The following PDGFD variants were observed in gnomAD, a reference collection of about 807,000 sequenced individuals.
The protein encoded by PDGFD is platelet derived growth factor D, also known as platelet-derived growth factor D.
Under a neutral mutation model 44.7 loss-of-function variants are expected in PDGFD, and 30 were observed. The ratio of observed to expected loss-of-function variants is 0.67; its 90% CI spans 0.50 to 0.91. PDGFD has a LOEUF of 0.91. Among genes scored for constraint, PDGFD ranks in the 40% least tolerant of loss-of-function variants. The probability of loss-of-function intolerance (pLI) is 0.00; values close to 1 mark genes in which losing one functional copy is unlikely to be tolerated. For synonymous variants in PDGFD, 173 were observed against 168.4 expected (o/e 1.03, Z -0.21); for missense variants, 445 against 457.8 (o/e 0.97, Z 0.25).
rs186744608 is a variant in PDGFD at position 103,927,472 on chromosome 11, A to G, written c.773-346T>C. On this transcript the variant is annotated intron_variant, in intron 5 of 6. Coordinates refer to ENST00000393158, the MANE Select transcript of PDGFD (RefSeq NM_025208.5). ...TAAAATAATTGCCTTTATCTTCAAA[A>G]AGACAAAATAAACTGCTTCTTCATT... 1.0e-3 allele frequency among the ~76,000 whole-genome samples: 152 copies of G among 152,348 alleles called. 2 individuals are homozygous for G. Among genetic ancestry groups the G allele is most frequent in the Non-Finnish European group, 1.9e-3 (127 of 68,024 alleles).
chr11:104,049,579 T>C (rs1259540338), intron 1 of PDGFD, among the ~76,000 whole-genome samples: 1 of 152,078 alleles, frequency 6.6e-6, no homozygotes, highest in East Asian at 1.9e-4. Flanking sequence ...GGTTGTATTG[T>C]TAAAAATAGA....
chr11:104,149,730 G>T (rs569943784), intron 1 of PDGFD, among the ~76,000 whole-genome samples: 4 of 152,036 alleles, frequency 2.6e-5, no homozygotes, highest in African/African-American at 9.7e-5. Context: ...CCAGTTCCAG[G>T]GTCTCAGGTG....
At chr11:104,118,270 G>C (rs912832914) in intron 1 of PDGFD, among the ~76,000 whole-genome samples, 37 of 151,654 alleles carry the variant, frequency 2.4e-4, no homozygotes, top group African/African-American at 9.0e-4. Context: ...AATGGAATTA[G>C]TCCCCTTATA....
At chr11:103,995,243 C>A (rs1373555338) in intron 3 of PDGFD, among the ~76,000 whole-genome samples, 2 of 152,170 alleles carry the variant, frequency 1.3e-5, no homozygotes, top group South Asian at 2.1e-4. Flanking sequence ...GTTCAAGGAC[C>A]CTGTCTGTTC....
intron 1 of PDGFD, chr11:104,036,745 C>T (rs1860240395): frequency 1.7e-6 from 2 of 1,158,896 alleles, no homozygotes; most frequent in Non-Finnish European, 2.5e-6. Context: ...AGCAGCGGCA[C>T]CAACGACGCA....
chr11:104,050,011 C>G (rs1180420889), intron 1 of PDGFD, among the ~76,000 whole-genome samples: 1 of 152,062 alleles, frequency 6.6e-6, no homozygotes, highest in Non-Finnish European at 1.5e-5. Context: ...TGAGAGAACA[C>G]CTTTTACTAT....
rs540348223 is a variant in PDGFD at position 103,943,757 on chromosome 11, A to T, written c.574-107T>A. On this transcript the variant is annotated intron_variant, in intron 4 of 6. Coordinates refer to ENST00000393158, the MANE Select transcript of PDGFD (RefSeq NM_025208.5). ...ACATAAACAGGCTTCTGAGTATAAG[A>T]CATCATACGTTTGAATGCTATGTAA... 2,127 of 882,864 alleles carry T rather than the reference A, an allele frequency of 2.4e-3. 9 individuals carry two copies. Among genetic ancestry groups the T allele is most frequent in the Non-Finnish European group, 2.7e-3 (1,542 of 564,066 alleles). The allele number at this position is 882,864 out of a possible 1,614,324, so 54.7% of individuals were successfully genotyped here.
chr11:103,962,888 A>T (rs535426638), intron 3 of PDGFD, among the ~76,000 whole-genome samples: 2 of 151,948 alleles, frequency 1.3e-5, no homozygotes, highest in South Asian at 2.1e-4. Flanking sequence ...CTAACATATT[A>T]TTTTTTTTAT....
At chr11:103,945,218 C>A (rs1216690220) in intron 4 of PDGFD, among the ~76,000 whole-genome samples, 1 of 152,124 alleles carries the variant, frequency 6.6e-6, no homozygotes, top group African/African-American at 2.4e-5. Context: ...TAGCTCTCAT[C>A]TGGGTGCAGC....
intron 1 of PDGFD, among the ~76,000 whole-genome samples, chr11:104,117,624 C>A (rs12225115): frequency 1.3e-5 from 2 of 151,668 alleles, no homozygotes; most frequent in East Asian, 1.9e-4. Flanking sequence ...GAACTCAACC[C>A]CTTTTAAAAT....
intron 1 of PDGFD, among the ~76,000 whole-genome samples, chr11:104,107,087 C>T (rs557025055): frequency 5.9e-5 from 9 of 152,178 alleles, no homozygotes; most frequent in Admixed American, 3.3e-4. Flanking sequence ...AAGATGAGAC[C>T]ACTTCCATGA....
intron 2 of PDGFD, among the ~76,000 whole-genome samples, chr11:103,997,857 G>A (rs1217897179): frequency 6.6e-6 from 1 of 152,092 alleles, no homozygotes; most frequent in African/African-American, 2.4e-5. Flanking sequence ...CTCTTAGGGA[G>A]GGTTCTGAGA....
At chr11:103,985,249 T>C (rs1029557448) in intron 3 of PDGFD, among the ~76,000 whole-genome samples, 1 of 149,392 alleles carries the variant, frequency 6.7e-6, no homozygotes. Context: ...TCACCAAGGC[T>C]GCAGTCCAGT....
chr11:104,143,026 G>A (rs1019092686), intron 1 of PDGFD, among the ~76,000 whole-genome samples: 1 of 152,154 alleles, frequency 6.6e-6, no homozygotes, highest in Non-Finnish European at 1.5e-5. Context: ...CTGAAAAATG[G>A]AGGCCTGGTT....
At chr11:104,073,665 G>A (rs1860911781) in intron 1 of PDGFD, among the ~76,000 whole-genome samples, 1 of 152,188 alleles carries the variant, frequency 6.6e-6, no homozygotes, top group South Asian at 2.1e-4. Flanking sequence ...GGATTACAAA[G>A]CACACCTCTA....
chr11:103,962,782 T>C (rs1223154925), intron 3 of PDGFD, among the ~76,000 whole-genome samples: 3 of 152,200 alleles, frequency 2.0e-5, no homozygotes, highest in African/African-American at 7.2e-5. Flanking sequence ...CTTTCCTCCA[T>C]AGGGTTAGTT....
At chr11:104,139,556 G>A (rs1007273380) in intron 1 of PDGFD, among the ~76,000 whole-genome samples, 1 of 152,122 alleles carries the variant, frequency 6.6e-6, no homozygotes, top group Non-Finnish European at 1.5e-5. Flanking sequence ...CAAAAGTTAC[G>A]TGTAGTAGCT....
At chr11:104,098,654 A>G (rs1424439798) in intron 1 of PDGFD, among the ~76,000 whole-genome samples, 1 of 151,990 alleles carries the variant, frequency 6.6e-6, no homozygotes, top group Non-Finnish European at 1.5e-5. Context: ...GACCACAGGT[A>G]TGTGCTGCCA....
chr11:104,120,794 A>AT (rs1861768038), intron 1 of PDGFD, among the ~76,000 whole-genome samples: 1 of 151,734 alleles, frequency 6.6e-6, no homozygotes, highest in South Asian at 2.1e-4. Context: ...AACTATTGTG[A>AT]TTTTTTTCCC....
Sources: gnomAD v4.1 joint callset for allele counts (sites outside exome capture counted in the v4.1 genomes callset) on GRCh38, gnomAD v4.1.1 for gene constraint, MANE v1.5 for transcripts, NCBI Gene and HGNC (gene_info 2026-07-23, HGNC 2026-07-21) for gene names.